The following SLC38A8 variants were observed in gnomAD, a reference collection of about 807,000 sequenced individuals.
The protein encoded by SLC38A8 is solute carrier family 38 member 8, also known as amino acid transporter SLC38A8.
SLC38A8 carries 65 observed loss-of-function variants against 46.0 expected under a neutral mutation model. That is an observed-to-expected ratio of 1.41 (90% confidence interval 1.16 to 1.74). The LOEUF (loss-of-function observed/expected upper bound fraction) is 1.74. Among genes scored for constraint, SLC38A8 ranks in the 40% most tolerant of loss-of-function variants. The pLI, the probability that SLC38A8 is intolerant of heterozygous loss-of-function variation, is 0.00. For synonymous variants in SLC38A8, 447 were observed against 243.7 expected, an observed-to-expected ratio of 1.83 and a Z score of -7.77; for missense variants, 998 against 567.9, an observed-to-expected ratio of 1.76 and a Z score of -7.70.
At chr16:84,040,696 A>G (rs1439558158) in intron 2 of SLC38A8, among the ~76,000 whole-genome samples, 1 of 152,072 alleles carries the variant, frequency 6.6e-6, no homozygotes, top group Admixed American at 6.5e-5. Flanking sequence ...AGCTCTTACC[A>G]TTTCCAGTGG....
At chr16:84,015,237 C>T (rs1423819201) in intron 9 of SLC38A8, among the ~76,000 whole-genome samples, 1 of 152,166 alleles carries the variant, frequency 6.6e-6, no homozygotes, top group Admixed American at 6.5e-5. Flanking sequence ...TCTGGAGTCT[C>T]TGTTCTGGGC....
At chr16:84,010,708 C>T (rs2084942667) in intron 10 of SLC38A8, among the ~76,000 whole-genome samples, 1 of 152,168 alleles carries the variant, frequency 6.6e-6, no homozygotes, top group African/African-American at 2.4e-5. Flanking sequence ...TGCACCACTG[C>T]ACTCCAGCCT....
chr16:84,033,977 G>C lies in SLC38A8; in HGVS notation c.389-508C>G, dbSNP rs575641895. On this transcript the variant is annotated intron_variant, in intron 3 of 10. Coordinates refer to ENST00000299709, the MANE Select transcript of SLC38A8 (RefSeq NM_001080442.3). ...ACAAGTCATGGATCGTAGGTAGAGAGTTAGTACAGGGCCAGGCTGGCCAAT... is the reference window on the plus strand; with the variant it reads ...ACAAGTCATGGATCGTAGGTAGAGACTTAGTACAGGGCCAGGCTGGCCAAT... 7.2e-5 allele frequency among the ~76,000 whole-genome samples: 11 copies of C among 152,360 alleles called. No homozygotes were observed. The East Asian group carries it at 2.1e-3, about 29-fold the overall frequency.
At chr16:84,041,630 C>G (rs950727045) in intron 2 of SLC38A8, among the ~76,000 whole-genome samples, 8 of 152,152 alleles carry the variant, frequency 5.3e-5, no homozygotes, top group African/African-American at 1.9e-4. Flanking sequence ...AGTTTTTGAG[C>G]TAAGACCAGC....
rs560215792 is a variant in SLC38A8, at chr16:84,033,317, C to T, written c.530+11G>A. Reference sequence around the variant, plus strand: ...GTGGGGGCCCCCACCAGGCAGCATCCCAGCCCTTACCTTGTGTATTTCTGG... The same window carrying T: ...GTGGGGGCCCCCACCAGGCAGCATCTCAGCCCTTACCTTGTGTATTTCTGG... On this transcript the variant is annotated intron_variant, in intron 4 of 10. Coordinates refer to ENST00000299709, the MANE Select transcript of SLC38A8 (RefSeq NM_001080442.3). 1 of 1,614,028 alleles carries T rather than the reference C, an allele frequency of 6.2e-7. No homozygotes were observed. The highest frequency in any genetic ancestry group is 1.7e-5 in the Admixed American group (1 of 60,018).
In SLC38A8 at chr16:84,031,851, G is replaced by A. The variant is rs765103387; in HGVS notation, c.632+16C>T. Reference sequence around the variant, plus strand: ...CTCCCCGCCGAGGCTGCCGGAAGCTGTTCCCTCAGACTTACCTCAGTGAAG... The same window carrying A: ...CTCCCCGCCGAGGCTGCCGGAAGCTATTCCCTCAGACTTACCTCAGTGAAG... On this transcript the variant is annotated intron_variant, in intron 5 of 10. Coordinates refer to ENST00000299709, the MANE Select transcript of SLC38A8 (RefSeq NM_001080442.3). 1.1e-5 allele frequency: 17 copies of A among 1,611,148 alleles called. No individual in the cohort carries two copies. The South Asian group carries it at 1.1e-4, about 10-fold the overall frequency.
In SLC38A8 at chr16:84,025,158, A is replaced by ATAC. The variant is rs141444908; in HGVS notation, c.691-2270_691-2269insGTA. On this transcript the variant is annotated intron_variant, in intron 6 of 10. Transcript: ENST00000299709. Reference sequence around the variant, plus strand: ...CTCTGTCCAGACACACCGGGCGGGGATGCTTTTTCCGGACACACTGGTGGG... The same window carrying ATAC: ...CTCTGTCCAGACACACCGGGCGGGGATACTGCTTTTTCCGGACACACTGGTGGG... 8.4e-4 allele frequency among the ~76,000 whole-genome samples: 127 copies of ATAC among 151,754 alleles called. 1 individual carries two copies. Among genetic ancestry groups the ATAC allele is most frequent in the African/African-American group, 2.8e-3 (116 of 41,372 alleles).
chr16:84,022,423 A>T (rs1029060995), intron 7 of SLC38A8, among the ~76,000 whole-genome samples: 1 of 152,170 alleles, frequency 6.6e-6, no homozygotes, highest in East Asian at 1.9e-4. Context: ...CCCTACCCAG[A>T]TGTTACAGTG....
intron 2 of SLC38A8, chr16:84,041,437 T>A (rs1420073771): frequency 1.3e-5 from 2 of 153,080 alleles, no homozygotes; most frequent in African/African-American, 4.8e-5. Context: ...CTCCACCTCC[T>A]GAGTAACTTG....
At chr16:84,012,394 G>A (rs1463489734) in intron 10 of SLC38A8, among the ~76,000 whole-genome samples, 3 of 152,216 alleles carry the variant, frequency 2.0e-5, no homozygotes, top group Non-Finnish European at 4.4e-5. Flanking sequence ...ATGAAGGAAA[G>A]ATCCAAATTA....
intron 6 of SLC38A8, among the ~76,000 whole-genome samples, chr16:84,024,178 C>T (rs1014005035): frequency 8.5e-5 from 13 of 152,134 alleles, no homozygotes; most frequent in East Asian, 3.9e-4. Flanking sequence ...AACCAACCCA[C>T]GCAAACCCCA....
intron 6 of SLC38A8, among the ~76,000 whole-genome samples, chr16:84,025,935 C>T (rs1037124880): frequency 6.6e-6 from 1 of 152,202 alleles, no homozygotes; most frequent in Non-Finnish European, 1.5e-5. Context: ...CCTCCTGCAC[C>T]CCCGCAGCAC....
chr16:84,014,596 C>A (rs1264235586), intron 9 of SLC38A8, among the ~76,000 whole-genome samples: 2 of 152,058 alleles, frequency 1.3e-5, no homozygotes, highest in African/African-American at 4.8e-5. Flanking sequence ...CACATGGCCA[C>A]TCCCCTCACC....
intron 5 of SLC38A8, among the ~76,000 whole-genome samples, chr16:84,029,854 C>T (rs1193222771): frequency 1.3e-5 from 2 of 152,180 alleles, no homozygotes; most frequent in African/African-American, 4.8e-5. Context: ...CTGCTGGCTC[C>T]CAGTGCGGTT....
chr16:84,026,173 G>A (rs2085162177), intron 6 of SLC38A8, among the ~76,000 whole-genome samples: 1 of 152,228 alleles, frequency 6.6e-6, no homozygotes. Flanking sequence ...CAGGTTGGTG[G>A]GCAGGAGGGT....
At chr16:84,016,381 G>T (rs531370030) in intron 9 of SLC38A8, 138 bp downstream of exon 9, 1 of 909,434 alleles carries the variant, frequency 1.1e-6, no homozygotes, top group African/African-American at 1.7e-5. Flanking sequence ...TCAATAAAAA[G>T]GGCACCTACA....
chr16:84,030,283 T>G (rs1467522547), intron 5 of SLC38A8, among the ~76,000 whole-genome samples: 2 of 152,072 alleles, frequency 1.3e-5, no homozygotes, highest in African/African-American at 4.8e-5. Context: ...TGACCACACT[T>G]TGATCACTTG....
intron 10 of SLC38A8, among the ~76,000 whole-genome samples, chr16:84,010,127 G>A (rs12925324): frequency 7.2e-6 from 1 of 139,652 alleles, no homozygotes; most frequent in Non-Finnish European, 1.5e-5. Flanking sequence ...CTGGAGTGCA[G>A]TGGCACGATC....
At chr16:84,029,599 G>A (rs1255762574) in intron 5 of SLC38A8, 48 bp from the exon 6 acceptor site, 1 of 1,583,384 alleles carries the variant, frequency 6.3e-7, no homozygotes, top group East Asian at 2.2e-5. Context: ...GTCACACCCG[G>A]AACAACCTGC....
Sources: allele counts gnomAD v4.1 joint callset (sites outside exome capture counted in the v4.1 genomes callset), GRCh38; gene constraint gnomAD v4.1.1; transcripts MANE v1.5; gene names NCBI Gene and HGNC (gene_info 2026-07-23, HGNC 2026-07-21).